Variants in TTC29 observed in about 807,000 individuals in gnomAD.
TTC29 encodes the protein tetratricopeptide repeat domain 29, also known as tetratricopeptide repeat protein 29.
TTC29 carries 49 observed loss-of-function variants against 58.1 expected under a neutral mutation model. The ratio of observed to expected loss-of-function variants is 0.84; its 90% CI spans 0.67 to 1.07. TTC29 has a LOEUF of 1.07. Among genes scored for constraint, TTC29 ranks in the 50% least tolerant of loss-of-function variants. The probability of loss-of-function intolerance (pLI) is 0.00; values close to 1 mark genes in which losing one functional copy is unlikely to be tolerated. For synonymous variants in TTC29, 209 were observed against 196.8 expected, an observed-to-expected ratio of 1.06 and a Z score of -0.52; for missense variants, 582 against 555.6, an observed-to-expected ratio of 1.05 and a Z score of -0.48.
At chr4:146,945,470 T>C (rs1736847786) in intron 1 of TTC29, 1 of 152,228 alleles carries the variant, frequency 6.6e-6, no homozygotes, top group Admixed American at 6.5e-5. Flanking sequence ...TGCCTAGTTT[T>C]TCACTCCCCT....
intron 11 of TTC29, among the ~76,000 whole-genome samples, chr4:146,755,910 A>T (rs1228425730): frequency 6.6e-6 from 1 of 152,076 alleles, no homozygotes; most frequent in Admixed American, 6.6e-5. Context: ...ATGTATCTCA[A>T]CCTATTATAG....
At chr4:146,866,157 G>A (rs968746669) in intron 8 of TTC29, among the ~76,000 whole-genome samples, 49 of 152,226 alleles carry the variant, frequency 3.2e-4, no homozygotes, top group African/African-American at 1.1e-3. Flanking sequence ...AGAAAATTTA[G>A]TTTTCATTGT....
chr4:146,835,367 T>C (rs1452661677), intron 8 of TTC29, among the ~76,000 whole-genome samples: 1 of 152,176 alleles, frequency 6.6e-6, no homozygotes, highest in Non-Finnish European at 1.5e-5. Flanking sequence ...TAAAGGGCAG[T>C]ACCTCTGAAT....
intron 9 of TTC29, among the ~76,000 whole-genome samples, chr4:146,823,573 T>A (rs1269660003): frequency 6.6e-6 from 1 of 152,234 alleles, no homozygotes; most frequent in Admixed American, 6.5e-5. Context: ...AAGATTGTCC[T>A]GGCTATATGG....
chr4:146,895,028 A>C (rs893606537), intron 6 of TTC29, among the ~76,000 whole-genome samples: 1 of 152,134 alleles, frequency 6.6e-6, no homozygotes, highest in Non-Finnish European at 1.5e-5. Flanking sequence ...TGGTGTGTCC[A>C]TGTGTTCTCA....
chr4:146,937,593 C>A lies in TTC29; in HGVS notation c.176+1G>T, dbSNP rs76715876. The A allele has an allele frequency of 2.0e-6, 3 of 1,510,050 alleles. No homozygotes were observed. The highest frequency in any genetic ancestry group is 2.7e-6 in the Non-Finnish European group (3 of 1,119,920). The allele number at this position is 1,510,050 out of a possible 1,614,324, so 93.5% of individuals were successfully genotyped here. A position where few individuals can be genotyped will look rare whatever the true frequency, so the allele number is the denominator to read the frequency against. The stretch of plus-strand genomic sequence containing the variant: ...AAAGTACCTTTAAAGGTTGTACTTA[C>A]GCAGCAACTTCCTCTTTTGATAATC... On this transcript the variant is annotated splice_donor_variant, in intron 4 of 12. Transcript: ENST00000325106. LOFTEE classifies it high-confidence loss of function.
chr4:146,730,892 G>C (rs1040518140), intron 11 of TTC29, among the ~76,000 whole-genome samples: 1 of 152,178 alleles, frequency 6.6e-6, no homozygotes, highest in Non-Finnish European at 1.5e-5. Context: ...CTTTTAAAGA[G>C]TGTTGCTATG....
At chr4:146,716,156 T>C (rs1742915222) in intron 11 of TTC29, among the ~76,000 whole-genome samples, 1 of 152,204 alleles carries the variant, frequency 6.6e-6, no homozygotes, top group Non-Finnish European at 1.5e-5. Flanking sequence ...ATCCTTCTCA[T>C]ATATTCCCCT....
intron 11 of TTC29, among the ~76,000 whole-genome samples, chr4:146,737,098 C>T (rs545952461): frequency 1.1e-4 from 16 of 152,080 alleles, no homozygotes; most frequent in Non-Finnish European, 2.4e-4. Flanking sequence ...GTGCTGTTTT[C>T]CTAACAGTTT....
chr4:146,864,915 A>ATT (rs35568981), intron 8 of TTC29, among the ~76,000 whole-genome samples: 304 of 146,818 alleles, frequency 2.1e-3, no homozygotes, highest in African/African-American at 5.4e-3. Flanking sequence ...TAGGAAGTAG[A>ATT]TTTTTTTTTT....
intron 8 of TTC29, among the ~76,000 whole-genome samples, chr4:146,854,165 C>T (rs575633516): frequency 2.5e-4 from 38 of 152,214 alleles, no homozygotes; most frequent in Middle Eastern, 3.4e-3. Context: ...TTTTGCCTGA[C>T]TCCCTGGCTG....
chr4:146,771,310 G>A (rs369162762), intron 11 of TTC29, among the ~76,000 whole-genome samples: 1 of 152,010 alleles, frequency 6.6e-6, no homozygotes, highest in Admixed American at 6.6e-5. Context: ...TTGTTATATA[G>A]GCAAATTGTG....
intron 4 of TTC29, 57 bp downstream of exon 4, chr4:146,937,537 G>A (rs920176487): frequency 4.4e-6 from 5 of 1,124,850 alleles, no homozygotes; most frequent in African/African-American, 3.2e-5. Flanking sequence ...TTTCAATAAA[G>A]AATCAAGACA....
intron 10 of TTC29, among the ~76,000 whole-genome samples, chr4:146,818,418 A>C (rs1022419032): frequency 1.3e-4 from 20 of 152,232 alleles, no homozygotes; most frequent in Non-Finnish European, 2.2e-4. Context: ...GGTGATCATT[A>C]AAAAGTCAGG....
chr4:146,843,975 G>T (rs1729009986), intron 8 of TTC29, among the ~76,000 whole-genome samples: 1 of 152,040 alleles, frequency 6.6e-6, no homozygotes, highest in Non-Finnish European at 1.5e-5. Context: ...AATACTATTT[G>T]GTTAATATTA....
At chr4:146,814,644 T>C (rs753395848) in intron 10 of TTC29, among the ~76,000 whole-genome samples, 3 of 146,720 alleles carry the variant, frequency 2.0e-5, no homozygotes, top group Non-Finnish European at 4.4e-5. Context: ...GAGAATTACT[T>C]GAACCCGGGA....
intron 4 of TTC29, among the ~76,000 whole-genome samples, chr4:146,919,935 A>C (rs893225431): frequency 1.3e-5 from 2 of 151,116 alleles, no homozygotes; most frequent in Admixed American, 6.6e-5. Context: ...TATGTCATAC[A>C]TTTTATCTTT....
chr4:146,717,704 T>G (rs1373550304), intron 11 of TTC29, among the ~76,000 whole-genome samples: 1 of 152,212 alleles, frequency 6.6e-6, no homozygotes, highest in East Asian at 1.9e-4. Flanking sequence ...CAAGCTAGTT[T>G]GTGTGTCCAG....
At chr4:146,857,272 G>T (rs1303374229) in intron 8 of TTC29, among the ~76,000 whole-genome samples, 1 of 136,292 alleles carries the variant, frequency 7.3e-6, no homozygotes. Context: ...GTGTACTAGT[G>T]GAAGAGTGTG....
Sources: allele counts gnomAD v4.1 joint callset (sites outside exome capture counted in the v4.1 genomes callset), GRCh38; gene constraint gnomAD v4.1.1; transcripts MANE v1.5; gene names NCBI Gene and HGNC (gene_info 2026-07-23, HGNC 2026-07-21).